BICC1: variants seen among roughly 807,000 people sequenced by gnomAD.
The protein encoded by BICC1 is BicC family RNA binding protein 1.
A neutral mutation model predicts 111.0 loss-of-function variants in BICC1; 43 were observed. That is an observed-to-expected ratio of 0.39 (90% confidence interval 0.30 to 0.50). BICC1 has a LOEUF of 0.50. Among genes scored for constraint, BICC1 ranks in the 20% least tolerant of loss-of-function variants. BICC1 has a pLI of 0.88. For missense variants in BICC1, 1,091 were observed against 1,203.2 expected (o/e 0.91, Z 1.38); for synonymous variants, 467 against 434.4 (o/e 1.07, Z -0.93).
At chr10:58,724,996 A>T (rs1288954377) in intron 3 of BICC1, among the ~76,000 whole-genome samples, 1 of 152,128 alleles carries the variant, frequency 6.6e-6, no homozygotes, top group South Asian at 2.1e-4. Context: ...TCTGGTGCAG[A>T]TGTAAACTGA....
intron 17 of BICC1, among the ~76,000 whole-genome samples, chr10:58,811,532 G>A (rs534092400): frequency 1.4e-4 from 21 of 152,118 alleles, no homozygotes; most frequent in Admixed American, 1.2e-3. Flanking sequence ...GTTAGTGAAG[G>A]CGTCCCATAG....
chr10:58,709,045 A>G (rs534622923), intron 3 of BICC1, among the ~76,000 whole-genome samples: 1 of 152,290 alleles, frequency 6.6e-6, no homozygotes, highest in East Asian at 1.9e-4. Context: ...AGCATTTATT[A>G]TTCTTTGTGT....
At chr10:58,596,524 C>T (rs1279686367) in intron 1 of BICC1, among the ~76,000 whole-genome samples, 2 of 152,136 alleles carry the variant, frequency 1.3e-5, no homozygotes, top group Non-Finnish European at 2.9e-5. Context: ...CCTCTCTCAC[C>T]ACTCCTATTC....
intron 3 of BICC1, among the ~76,000 whole-genome samples, chr10:58,780,864 T>C (rs995461028): frequency 4.6e-5 from 7 of 152,210 alleles, no homozygotes; most frequent in Admixed American, 1.3e-4. Context: ...TTATTTTTAT[T>C]GAAAATATGG....
chr10:58,805,078 A>AG (rs1233431383), intron 15 of BICC1, among the ~76,000 whole-genome samples: 4 of 152,194 alleles, frequency 2.6e-5, no homozygotes, highest in African/African-American at 4.8e-5. Context: ...AGATCACCTG[A>AG]GGTCAGGAGT....
intron 1 of BICC1, among the ~76,000 whole-genome samples, chr10:58,577,397 G>A (rs945262983): frequency 1.3e-5 from 2 of 152,124 alleles, no homozygotes; most frequent in Non-Finnish European, 2.9e-5. Flanking sequence ...ATAGGGAGTC[G>A]AGACTGAGGA....
intron 1 of BICC1, among the ~76,000 whole-genome samples, chr10:58,514,386 A>C (rs1842185087): frequency 6.6e-6 from 1 of 152,208 alleles, no homozygotes; most frequent in South Asian, 2.1e-4. Context: ...GAGTTTTTCA[A>C]ACGTTATTTG....
intron 2 of BICC1, among the ~76,000 whole-genome samples, chr10:58,641,470 CTT>C (rs879548475): frequency 9.7e-5 from 14 of 144,214 alleles, no homozygotes; most frequent in African/African-American, 5.1e-5. Flanking sequence ...TTTTTCTTTC[CTT>C]TTTTTTTTTG....
chr10:58,532,079 A>G (rs1018846923), intron 1 of BICC1, among the ~76,000 whole-genome samples: 11 of 151,830 alleles, frequency 7.2e-5, no homozygotes, highest in African/African-American at 2.7e-4. Flanking sequence ...AAGAAGCTCA[A>G]AGGACTACAG....
intron 2 of BICC1, among the ~76,000 whole-genome samples, chr10:58,673,395 C>T (rs1589002047): frequency 6.6e-6 from 1 of 152,132 alleles, no homozygotes; most frequent in African/African-American, 2.4e-5. Context: ...TTACATATAA[C>T]CCTTGCCTTA....
chr10:58,649,624 T>C (rs1385379200), intron 2 of BICC1, among the ~76,000 whole-genome samples: 1 of 152,174 alleles, frequency 6.6e-6, no homozygotes, highest in East Asian at 1.9e-4. Context: ...AGAGAAGCAC[T>C]GGGAAGCAGT....
intron 1 of BICC1, among the ~76,000 whole-genome samples, chr10:58,602,262 C>G (rs1399304110): frequency 2.0e-5 from 3 of 152,116 alleles, no homozygotes; most frequent in Non-Finnish European, 4.4e-5. Context: ...ACCAAAGTTA[C>G]AATTCTGGGA....
intron 3 of BICC1, among the ~76,000 whole-genome samples, chr10:58,750,558 C>T (rs752143903): frequency 4.6e-5 from 7 of 152,016 alleles, no homozygotes; most frequent in Non-Finnish European, 7.4e-5. Context: ...ATGTTATGAC[C>T]GCTACCAGAC....
chr10:58,595,342 A>C (rs1416534405), intron 1 of BICC1, among the ~76,000 whole-genome samples: 1 of 152,218 alleles, frequency 6.6e-6, no homozygotes, highest in East Asian at 1.9e-4. Flanking sequence ...CAGGACTTGA[A>C]CTTAGCTCTG....
chr10:58,594,906 A>G (rs1013678272), intron 1 of BICC1, among the ~76,000 whole-genome samples: 5 of 152,230 alleles, frequency 3.3e-5, no homozygotes, highest in Admixed American at 6.5e-5. Context: ...AAATGCCCCA[A>G]TAAAAAGATG....
intron 3 of BICC1, among the ~76,000 whole-genome samples, chr10:58,779,299 C>G (rs1842825316): frequency 6.6e-6 from 1 of 152,180 alleles, no homozygotes; most frequent in African/African-American, 2.4e-5. Context: ...ATGGGGTTGT[C>G]AATGCATTTG....
At chr10:58,542,168 A>AC (rs1261945221) in intron 1 of BICC1, among the ~76,000 whole-genome samples, 102 of 129,076 alleles carry the variant, frequency 7.9e-4, no homozygotes, top group East Asian at 2.7e-3. Context: ...AAAAAAAAAC[A>AC]AAAAAAAAAA....
At chr10:58,711,810 T>TG (rs1386645584) in intron 3 of BICC1, among the ~76,000 whole-genome samples, 7 of 150,900 alleles carry the variant, frequency 4.6e-5, no homozygotes, top group East Asian at 1.9e-4. Context: ...TTTTTTTTGT[T>TG]TTTTTTTTTT....
chr10:58,642,319 G>A (rs1473593399), intron 2 of BICC1, among the ~76,000 whole-genome samples: 12 of 152,098 alleles, frequency 7.9e-5, no homozygotes, highest in Admixed American at 7.2e-4. Context: ...CATGTACTGA[G>A]TACTGTCATT....
Sources: gnomAD v4.1 joint callset for allele counts (sites outside exome capture counted in the v4.1 genomes callset) on GRCh38, gnomAD v4.1.1 for gene constraint, MANE v1.5 for transcripts, NCBI Gene and HGNC (gene_info 2026-07-23, HGNC 2026-07-21) for gene names.